GAPVD1: variants seen among roughly 807,000 people sequenced by gnomAD.
GAPVD1 encodes GTPase activating protein and VPS9 domains 1, also known as GTPase-activating protein and VPS9 domain-containing protein 1.
Under a neutral mutation model 155.5 loss-of-function variants are expected in GAPVD1, and 35 were observed. The ratio of observed to expected loss-of-function variants is 0.23; its 90% CI spans 0.17 to 0.30. The LOEUF is 0.30. GAPVD1 is among the 10% of genes least tolerant of loss of function. GAPVD1 has a pLI of 1.00. For synonymous variants in GAPVD1, 636 were observed against 619.7 expected, an observed-to-expected ratio of 1.03 and a Z score of -0.39; for missense variants, 1,429 against 1,775.7, an observed-to-expected ratio of 0.80 and a Z score of 3.51.
intron 9 of GAPVD1, among the ~76,000 whole-genome samples, chr9:125,321,199 G>A (rs1437977497): frequency 6.6e-6 from 1 of 152,280 alleles, no homozygotes; most frequent in East Asian, 1.9e-4. Context: ...TGGTAGTCTG[G>A]TTGCCTGTTC....
At position 125,313,665 on chromosome 9, in the gene GAPVD1, G is replaced by C. The variant is rs577606103; in HGVS notation, c.1602+1053G>C. On this transcript the variant is annotated intron_variant, in intron 9 of 27. Coordinates refer to ENST00000297933, the MANE Select transcript of GAPVD1 (RefSeq NM_001282680.3). ...TTGCACAGCTGGAGTGCAATGGTGC[G>C]ATCTTTGCTCACCACAGCCTCTGCC... 2.3e-3 allele frequency among the ~76,000 whole-genome samples: 343 copies of C among 152,118 alleles called. 1 individual carries two copies. Among genetic ancestry groups the C allele is most frequent in the African/African-American group, 8.0e-3 (333 of 41,488 alleles).
Position 125,349,581 on chromosome 9 carries a change from G to A in GAPVD1, c.3299+62G>A, listed in dbSNP as rs973609138. ...GACTTTTCAGCACCATTGCAGTCAC[G>A]TCAAGTCAAGTGATGTTTTGAGTCA... On this transcript the variant is annotated intron_variant, in intron 21 of 27. Transcript: ENST00000297933. The A allele has an allele frequency of 1.4e-5, 20 of 1,401,620 alleles. 1 individual carries two copies. The South Asian group carries it at 1.7e-4, about 12-fold the overall frequency. 86.8% of individuals were successfully genotyped at this position (1,401,620 alleles called of 1,614,324 possible).
At chr9:125,328,860 G>T (rs113306378) in intron 12 of GAPVD1, among the ~76,000 whole-genome samples, 1 of 152,088 alleles carries the variant, frequency 6.6e-6, no homozygotes, top group East Asian at 1.9e-4. Flanking sequence ...CTCCCGGACG[G>T]GGCGGCTGGC....
chr9:125,347,118 A>C (rs1848611592), intron 20 of GAPVD1, 177 bp downstream of exon 20: 2 of 645,972 alleles, frequency 3.1e-6, no homozygotes, highest in Non-Finnish European at 5.3e-6. Flanking sequence ...TTCTCCCACT[A>C]GCCCTGGGTA....
At chr9:125,312,692 G>A (rs1842831544) in intron 9 of GAPVD1, 80 bp downstream of exon 9, 2 of 1,038,274 alleles carry the variant, frequency 1.9e-6, no homozygotes, top group Admixed American at 2.7e-5. Flanking sequence ...CAGAGGTTGG[G>A]TGGCTTATAA....
At chr9:125,332,212 G>C in intron 14 of GAPVD1, 152 bp downstream of exon 14, 1 of 801,876 alleles carries the variant, frequency 1.2e-6, no homozygotes, top group East Asian at 2.7e-5. Flanking sequence ...TGAAATCTTT[G>C]AGAACTTAAT....
chr9:125,302,083 T>C lies in GAPVD1; in HGVS notation c.286T>C (p.Tyr96His), dbSNP rs137895631. 9 of 1,613,556 alleles carry C rather than the reference T, an allele frequency of 5.6e-6. No homozygotes were observed. The highest frequency in any genetic ancestry group is 7.6e-6 in the Non-Finnish European group (9 of 1,179,684). Residue 96 changes from tyrosine to histidine, a missense_variant, in exon 5 of 28, where the codon TAT (tyrosine) becomes CAT (histidine). Coordinates refer to ENST00000297933, the MANE Select transcript of GAPVD1 (RefSeq NM_001282680.3). ...YKQLGFQETA[Y>H]GEFLSRLREN... ...GCAATTGGGATTTCAGGAGACTGCT[T>C]ATGGAGAATTCTTGAGTCGATTGAG... is the stretch of plus-strand genomic sequence containing the variant.
chr9:125,298,960 C>A lies in GAPVD1; in HGVS notation c.39C>A (p.Leu13=), dbSNP rs995679735. The change falls in exon 4 of 28, where the codon CTC becomes CTA. Residue 13 remains leucine, a synonymous_variant. Transcript: ENST00000297933. ...ATATTCATACTCTGGCTCATCACCT[C>A]AAGCAGGAACGCTTATATGTAAACT... ...KLDIHTLAHH[L]KQERLYVNSE... is the part of the protein sequence containing the mutation. 1.2e-6 allele frequency: 2 copies of A among 1,611,992 alleles called. No individual in the cohort carries two copies. Among genetic ancestry groups the A allele is most frequent in the Non-Finnish European group, 1.7e-6 (2 of 1,178,962 alleles).
In GAPVD1 at chr9:125,342,500, A is replaced by G. The variant is rs564200987; in HGVS notation, c.3046+201A>G. Among the ~76,000 whole-genome samples, 7 of 152,322 alleles carry G rather than the reference A, an allele frequency of 4.6e-5. No individual in the cohort carries two copies. The East Asian group carries it at 5.8e-4, about 13-fold the overall frequency. ...GCTCTTCCTGCAGACTGCCACCACC[A>G]TCATCATCCTCATTATCATAACTCC... is the stretch of plus-strand genomic sequence containing the variant. On this transcript the variant is annotated intron_variant, in intron 19 of 27. Coordinates refer to ENST00000297933, the MANE Select transcript of GAPVD1 (RefSeq NM_001282680.3).
Position 125,330,207 on chromosome 9 carries a change from C to T in GAPVD1, c.2162C>T (p.Pro721Leu). 1 of 1,602,722 alleles carries T rather than the reference C, an allele frequency of 6.2e-7. No individual in the cohort carries two copies. The highest frequency in any genetic ancestry group is 8.5e-7 in the Non-Finnish European group (1 of 1,175,034). ...TSEAWSVEVL[P>L]SDSEAPDLKQ... ...GAAGCTTGGAGTGTAGAGGTATTGC[C>T]AAGTGACTCAGGTTAGTATGCTGTC... The change falls in exon 13 of 28, where the codon CCA becomes CTA. Residue 721 changes from proline to leucine, a missense_variant. Pro to Leu is a moderately conservative substitution (Grantham distance 98). This residue lies in a region of GAPVD1 where 699 missense variants were observed against 826.0 expected (regional missense o/e 0.85). Transcript: ENST00000297933.
At chr9:125,294,628 G>A (rs1329986729) in intron 2 of GAPVD1, among the ~76,000 whole-genome samples, 1 of 150,468 alleles carries the variant, frequency 6.6e-6, no homozygotes, top group Admixed American at 6.6e-5. Context: ...TTACAGGCGT[G>A]AGCCACCGTA....
At chr9:125,286,297 GT>G (rs1056211256) in intron 2 of GAPVD1, among the ~76,000 whole-genome samples, 16 of 148,898 alleles carry the variant, frequency 1.1e-4, no homozygotes, top group South Asian at 2.1e-4. Flanking sequence ...TATTGTTGTT[GT>G]TTTCTTTGTT....
intron 12 of GAPVD1, among the ~76,000 whole-genome samples, chr9:125,327,769 G>T (rs1357053028): frequency 2.6e-5 from 4 of 152,194 alleles, no homozygotes; most frequent in South Asian, 2.1e-4. Flanking sequence ...CTCCCAAAGT[G>T]CTGGGATTAC....
chr9:125,304,419 G>T (rs1053132606), intron 5 of GAPVD1, among the ~76,000 whole-genome samples: 1 of 151,512 alleles, frequency 6.6e-6, no homozygotes, highest in South Asian at 2.1e-4. Context: ...TTTTTTGTTT[G>T]TTTTTTTTGT....
In GAPVD1 at chr9:125,317,742, A is replaced by G. The variant is rs61369368; in HGVS notation, c.1603-3691A>G. Among the ~76,000 whole-genome samples the G allele has an allele frequency of 6.2e-3, 942 of 152,130 alleles. 15 individuals are homozygous for G. The highest frequency in any genetic ancestry group is 0.035 in the South Asian group (168 of 4,814). On this transcript the variant is annotated intron_variant, in intron 9 of 27. Coordinates refer to ENST00000297933, the MANE Select transcript of GAPVD1 (RefSeq NM_001282680.3). ...TTTTTTTTAATATACTTAAAGAGCT[A>G]TGGAAACCACGGACAAAGAACTAAA...
At position 125,366,931 on chromosome 9, in the gene GAPVD1, A is replaced by T. The variant is rs1437111327; in HGVS notation, c.*4185A>T. 6.6e-6 allele frequency: 1 copy of T among 152,342 alleles called. No homozygotes were observed. Among genetic ancestry groups the T allele is most frequent in the East Asian group, 1.9e-4 (1 of 5,192 alleles). The allele number at this position is 152,342 out of a possible 1,614,324, so 9.4% of individuals were successfully genotyped here. On this transcript the variant is annotated 3_prime_UTR_variant, in exon 28 of 28. Coordinates refer to ENST00000297933, the MANE Select transcript of GAPVD1 (RefSeq NM_001282680.3). ...CAAGAGAGATGACGTCTCCACTTGG[A>T]TAATGGCAGACAGTGTGGGTAGCGG...
At position 125,350,818 on chromosome 9, in the gene GAPVD1, G is replaced by A. The variant is rs765984218; in HGVS notation, c.3515G>A (p.Arg1172His). The A allele has an allele frequency of 2.0e-5, 33 of 1,613,512 alleles. 1 individual carries two copies. In the Middle Eastern group the frequency reaches 4.9e-4, roughly 24 times the overall value. ...QLQETMRCVC[R>H]FDNRTCRKLL... ...CAAGAAACAATGCGCTGTGTGTGCC[G>A]TTTTGATAATAGGACTTGTAGGAAA... Residue 1172 changes from arginine to histidine, a missense_variant, in exon 23 of 28, where the codon CGT becomes CAT. Transcript: ENST00000297933.
intron 2 of GAPVD1, among the ~76,000 whole-genome samples, chr9:125,278,354 C>T (rs1447558017): frequency 6.6e-6 from 1 of 151,818 alleles, no homozygotes; most frequent in Non-Finnish European, 1.5e-5. Context: ...AACCCTGTCT[C>T]TACTAAAAAT....
chr9:125,341,194 T>C lies in GAPVD1; in HGVS notation c.2895T>C (p.Asp965=). The change falls in exon 18 of 28, where the codon GAT becomes GAC. Residue 965 remains aspartate (D), a synonymous_variant. Coordinates refer to ENST00000297933, the MANE Select transcript of GAPVD1 (RefSeq NM_001282680.3). The part of the protein sequence containing the change: ...SSRGETEERK[D]SDDEKSDRNR... The stretch of plus-strand genomic sequence containing the variant: ...TTCTACAGACTGAAGAACGCAAAGA[T>C]AGCGATGATGAGAAATCAGACAGGA... 1 of 1,599,302 alleles carries C rather than the reference T, an allele frequency of 6.3e-7. No homozygotes were observed. The highest frequency in any genetic ancestry group is 8.6e-7 in the Non-Finnish European group (1 of 1,166,300).
Sources: gnomAD v4.1 joint callset for allele counts (sites outside exome capture counted in the v4.1 genomes callset) on GRCh38, gnomAD v4.1.1 for gene constraint, gnomAD v4.1.1 regional missense constraint, MANE v1.5 for transcripts, NCBI Gene and HGNC (gene_info 2026-07-23, HGNC 2026-07-21) for gene names.